CACNA1C: variants seen among roughly 807,000 people sequenced by gnomAD.
The protein encoded by CACNA1C is calcium voltage-gated channel subunit alpha1 C.
In CACNA1C, 30 loss-of-function variants were observed where a neutral mutation model predicts 229.0. The ratio of observed to expected loss-of-function variants is 0.13; its 90% CI spans 0.10 to 0.18. The LOEUF (loss-of-function observed/expected upper bound fraction) is 0.18. CACNA1C is among the 10% of genes least tolerant of loss of function. The pLI is 1.00. For missense variants in CACNA1C, 1,658 were observed against 2,845.0 expected, an observed-to-expected ratio of 0.58 and a Z score of 9.49; for synonymous variants, 1,114 against 1,132.5, an observed-to-expected ratio of 0.98 and a Z score of 0.33.
chr12:2,018,615 C>T (rs1210309191), intron 1 of CACNA1C, among the ~76,000 whole-genome samples: 4 of 152,150 alleles, frequency 2.6e-5, no homozygotes, highest in Admixed American at 6.5e-5. Flanking sequence ...CATGCGTGGG[C>T]GTTGCACAGG....
rs114375638 is a variant in CACNA1C at position 2,392,007 on chromosome 12, C to A, written c.478-56969C>A. Among the ~76,000 whole-genome samples, 730 of 152,282 alleles carry A rather than the reference C, an allele frequency of 4.8e-3. 13 individuals carry two copies. Among genetic ancestry groups the A allele is most frequent in the African/African-American group, 0.017 (715 of 41,536 alleles). ...CTGGACAGCCTTGTTTTAAACTCTG[C>A]GTTTCACCATCTTCCTAATTCTGCC... is the stretch of plus-strand genomic sequence containing the variant. On this transcript the variant is annotated intron_variant, in intron 3 of 46. Coordinates refer to ENST00000399655, the MANE Select transcript of CACNA1C (RefSeq NM_000719.7).
chr12:2,461,767 T>C (rs140006572), intron 5 of CACNA1C, among the ~76,000 whole-genome samples: 34 of 152,250 alleles, frequency 2.2e-4, no homozygotes, highest in African/African-American at 7.9e-4. Flanking sequence ...CATCAGAAAA[T>C]CCTATGAGCT....
intron 13 of CACNA1C, among the ~76,000 whole-genome samples, chr12:2,571,594 T>G (rs569128505): frequency 6.6e-6 from 1 of 152,336 alleles, no homozygotes; most frequent in East Asian, 1.9e-4. Flanking sequence ...AAGAAACCAT[T>G]TTTAAAAATC....
intron 1 of CACNA1C, among the ~76,000 whole-genome samples, chr12:2,111,096 A>G (rs2081546762): frequency 6.6e-6 from 1 of 152,238 alleles, no homozygotes; most frequent in South Asian, 2.1e-4. Context: ...AGCTGCCAGG[A>G]CCAAAATAGT....
intron 39 of CACNA1C, 53 bp downstream of exon 39, chr12:2,674,695 T>C: frequency 2.7e-6 from 4 of 1,462,944 alleles, no homozygotes; most frequent in Non-Finnish European, 3.7e-6. Context: ...CGTGCCCCCC[T>C]CTGCCTGCCT....
intron 1 of CACNA1C, among the ~76,000 whole-genome samples, chr12:2,020,929 C>A (rs2046333368): frequency 1.3e-5 from 2 of 152,126 alleles, no homozygotes; most frequent in Admixed American, 6.5e-5. Context: ...ATTTGCCTAC[C>A]AGTAACTTCT....
At chr12:2,524,489 A>T (rs1408129371) in intron 9 of CACNA1C, among the ~76,000 whole-genome samples, 1 of 152,236 alleles carries the variant, frequency 6.6e-6, no homozygotes, top group Non-Finnish European at 1.5e-5. Context: ...GTGCCATGTC[A>T]GTCAGGGTTG....
chr12:2,381,120 TG>T (rs1419787434), intron 3 of CACNA1C, among the ~76,000 whole-genome samples: 4 of 152,216 alleles, frequency 2.6e-5, no homozygotes, highest in Non-Finnish European at 5.9e-5. Flanking sequence ...CCTGTGGTTG[TG>T]GGAAGTCCCT....
chr12:2,196,325 C>T (rs2097401340), intron 3 of CACNA1C, among the ~76,000 whole-genome samples: 1 of 152,200 alleles, frequency 6.6e-6, no homozygotes, highest in South Asian at 2.1e-4. Context: ...ATCCAGGATT[C>T]TCTGCTACGC....
At chr12:2,402,990 C>T (rs931170383) in intron 3 of CACNA1C, among the ~76,000 whole-genome samples, 13 of 152,126 alleles carry the variant, frequency 8.5e-5, no homozygotes, top group Non-Finnish European at 1.5e-4. Flanking sequence ...GGTAGGGATG[C>T]GAGCTGAAAG....
At chr12:2,433,860 G>A (rs1424315407) in intron 3 of CACNA1C, among the ~76,000 whole-genome samples, 2 of 152,144 alleles carry the variant, frequency 1.3e-5, no homozygotes, top group African/African-American at 2.4e-5. Flanking sequence ...TGGGCCCTTC[G>A]CATGGCTGGG....
Position 2,053,493 on chromosome 12 carries a change from C to T in CACNA1C, c.-70C>T. On this transcript the variant is annotated 5_prime_UTR_variant, in exon 1 of 47. Transcript: ENST00000399655. This position sits in a 1 kb window ranked among gnomAD's most constrained non-coding sequence, Gnocchi z 5.8. ...GCCTCGGAGGAGGGATTAATCCAGACCCGCCGGGGGGTGTTTTCACATTTC... is the reference window on the plus strand; with the variant it reads ...GCCTCGGAGGAGGGATTAATCCAGATCCGCCGGGGGGTGTTTTCACATTTC... 6.5e-7 allele frequency: 1 copy of T among 1,536,678 alleles called. No homozygotes were observed. Among genetic ancestry groups the T allele is most frequent in the Non-Finnish European group, 8.8e-7 (1 of 1,138,956 alleles).
intron 9 of CACNA1C, among the ~76,000 whole-genome samples, chr12:2,533,138 T>C (rs1181230702): frequency 6.6e-6 from 1 of 152,054 alleles, no homozygotes; most frequent in African/African-American, 2.4e-5. Context: ...GGCTGTTCAG[T>C]GGAATAATGA....
At chr12:2,624,180 G>A (rs1029824553) in intron 29 of CACNA1C, among the ~76,000 whole-genome samples, 11 of 152,200 alleles carry the variant, frequency 7.2e-5, no homozygotes, top group Non-Finnish European at 1.3e-4. Flanking sequence ...CACTTCCACA[G>A]ACCTAGTGTT....
At chr12:2,438,356 GTAATGA>G (rs764310041) in intron 3 of CACNA1C, among the ~76,000 whole-genome samples, 2 of 104,882 alleles carry the variant, frequency 1.9e-5, no homozygotes, top group Admixed American at 9.7e-5. Context: ...GATGGTGGTG[GTAATGA>G]TGGTGGTGGT....
At chr12:2,046,652 G>A (rs2051111373) in intron 1 of CACNA1C, among the ~76,000 whole-genome samples, 1 of 152,162 alleles carries the variant, frequency 6.6e-6, no homozygotes, top group Non-Finnish European at 1.5e-5. Flanking sequence ...AGTCATGTTA[G>A]TCATGTTACC....
At chr12:2,312,401 A>G (rs894114111) in intron 3 of CACNA1C, among the ~76,000 whole-genome samples, 1 of 152,104 alleles carries the variant, frequency 6.6e-6, no homozygotes, top group African/African-American at 2.4e-5. Context: ...CTCCCTCTTT[A>G]TATGAAGCAA....
intron 21 of CACNA1C, among the ~76,000 whole-genome samples, chr12:2,599,540 G>A (rs2070748864): frequency 6.6e-6 from 1 of 152,218 alleles, no homozygotes; most frequent in Admixed American, 6.5e-5. Flanking sequence ...AGCTAGAAGA[G>A]CTGCCTGGAG....
intron 3 of CACNA1C, among the ~76,000 whole-genome samples, chr12:2,210,418 C>T (rs573855632): frequency 6.6e-6 from 1 of 152,326 alleles, no homozygotes; most frequent in Admixed American, 6.5e-5. Context: ...AGCTTTAAGA[C>T]TTATGCCCTC....
Sources: gnomAD v4.1 joint callset for allele counts (sites outside exome capture counted in the v4.1 genomes callset) on GRCh38, gnomAD v4.1.1 for gene constraint, Gnocchi (gnomAD v3.1) non-coding constraint, MANE v1.5 for transcripts, NCBI Gene and HGNC (gene_info 2026-07-23, HGNC 2026-07-21) for gene names.